Variants in KBTBD11 observed in about 807,000 individuals in gnomAD.
KBTBD11 encodes kelch repeat and BTB domain containing 11.
For missense variants in KBTBD11, 1,390 were observed against 1,001.8 expected (o/e 1.39, Z -5.23); for synonymous variants, 747 against 499.0 (o/e 1.50, Z -6.63).
chr8:1,999,247 A>T (rs1271172242), intron 1 of KBTBD11, among the ~76,000 whole-genome samples: 2 of 152,246 alleles, frequency 1.3e-5, no homozygotes, highest in African/African-American at 4.8e-5. Context: ...TTTCAGGGAC[A>T]GAGGGACAGG....
intron 1 of KBTBD11, chr8:1,974,577 CCCCCGCGAG>C (rs981544516): frequency 1.0e-6 from 1 of 985,022 alleles, no homozygotes; most frequent in Non-Finnish European, 1.2e-6. Context: ...TGGCTGCTGA[CCCCCGCGAG>C]CCCCGAGCAC....
chr8:1,998,121 A>G (rs564385369), intron 1 of KBTBD11, among the ~76,000 whole-genome samples: 1 of 152,206 alleles, frequency 6.6e-6, no homozygotes, highest in Non-Finnish European at 1.5e-5. Flanking sequence ...TGCTGACATA[A>G]TGCTCATTGG....
chr8:1,995,386 G>A (rs1286303264), intron 1 of KBTBD11, among the ~76,000 whole-genome samples: 2 of 152,142 alleles, frequency 1.3e-5, no homozygotes, highest in Non-Finnish European at 2.9e-5. Flanking sequence ...GTACGGCCAA[G>A]TTAAATATGG....
At chr8:1,989,672 C>T (rs1014286819) in intron 1 of KBTBD11, among the ~76,000 whole-genome samples, 1 of 152,238 alleles carries the variant, frequency 6.6e-6, no homozygotes. Context: ...CTGCACGACG[C>T]ATCGCCTCCC....
rs555039341 is a variant in KBTBD11, at chr8:2,003,568, G to A, written c.*504G>A. The A allele has an allele frequency of 6.0e-6, 1 of 167,484 alleles. No homozygotes were observed. Among genetic ancestry groups the A allele is most frequent in the South Asian group, 2.1e-4 (1 of 4,832 alleles). The allele number at this position is 167,484 out of a possible 1,614,324, so 10.4% of individuals were successfully genotyped here. ...TCTTTCTGATTTAGTTGAAAATTTC[G>A]TACCATGTGCTCGCTTTGGTTGGCT... On this transcript the variant is annotated 3_prime_UTR_variant, in exon 2 of 2. Transcript: ENST00000320248.
Position 1,973,858 on chromosome 8 carries a change from C to G in KBTBD11, c.-986C>G. The G allele has an allele frequency of 1.0e-6, 1 of 982,958 alleles. No individual in the cohort carries two copies. The highest frequency in any genetic ancestry group is 6.2e-5 in the Admixed American group (1 of 16,092). 60.9% of individuals were successfully genotyped at this position (982,958 alleles called of 1,614,324 possible). On this transcript the variant is annotated 5_prime_UTR_variant, in exon 1 of 2. Transcript: ENST00000320248. ...CGCGGCTCCCACAGGTGCCGGGAAGCGGCCGCGCGCATGCGCCGGAGCCCA... is the reference window on the plus strand; with the variant it reads ...CGCGGCTCCCACAGGTGCCGGGAAGGGGCCGCGCGCATGCGCCGGAGCCCA...
At chr8:1,993,360 TCCATCCGTCCGTCCGTCC>T (rs1816990206) in intron 1 of KBTBD11, among the ~76,000 whole-genome samples, 1 of 93,876 alleles carries the variant, frequency 1.1e-5, no homozygotes, top group South Asian at 5.1e-4. Context: ...CATCCATCGG[TCCATCCGTCCGTCCGTCC>T]GTCCGTCCGT....
chr8:1,992,475 T>G (rs1202030530), intron 1 of KBTBD11, among the ~76,000 whole-genome samples: 1 of 151,432 alleles, frequency 6.6e-6, no homozygotes, highest in East Asian at 1.9e-4. Context: ...GGGGGTGGGG[T>G]GGGAAACACT....
chr8:1,978,156 C>T (rs968929762), intron 1 of KBTBD11, among the ~76,000 whole-genome samples: 5 of 152,204 alleles, frequency 3.3e-5, no homozygotes, highest in African/African-American at 4.8e-5. Context: ...CTCCCTCCGC[C>T]GCCCTCTACA....
intron 1 of KBTBD11, among the ~76,000 whole-genome samples, chr8:1,997,913 G>C (rs34643150): frequency 0.23 from 35,177 of 152,162 alleles, 4,759 homozygotes; most frequent in Non-Finnish European, 0.3. Flanking sequence ...GCTGGAAGGG[G>C]CTCCTCAGAA....
At chr8:1,982,171 C>A (rs546491346) in intron 1 of KBTBD11, among the ~76,000 whole-genome samples, 1 of 152,162 alleles carries the variant, frequency 6.6e-6, no homozygotes, top group Non-Finnish European at 1.5e-5. Flanking sequence ...TCAGTTAAAT[C>A]GTCAGCTTAA....
chr8:2,001,018 G>A lies in KBTBD11; in HGVS notation c.-175G>A. ...CAAAGGCGAGGCGGGGGAGCAGCGT[G>A]TGAGATTCCCCCCTTCACACACACA... On this transcript the variant is annotated 5_prime_UTR_variant, in exon 2 of 2. The change creates a new upstream start codon in the 5' untranslated region. Coordinates refer to ENST00000320248, the MANE Select transcript of KBTBD11 (RefSeq NM_014867.3). 1.2e-6 allele frequency: 1 copy of A among 868,170 alleles called. No individual in the cohort carries two copies. The highest frequency in any genetic ancestry group is 1.5e-6 in the Non-Finnish European group (1 of 657,132). 53.8% of individuals were successfully genotyped at this position (868,170 alleles called of 1,614,324 possible). A position where few individuals can be genotyped will look rare whatever the true frequency, so the allele number is the denominator to read the frequency against.
chr8:1,988,554 C>T (rs1334390371), intron 1 of KBTBD11, among the ~76,000 whole-genome samples: 1 of 152,142 alleles, frequency 6.6e-6, no homozygotes, highest in African/African-American at 2.4e-5. Context: ...CTGTTCATAT[C>T]CTTTGCCCAC....
chr8:1,992,084 C>T (rs1816940324), intron 1 of KBTBD11, among the ~76,000 whole-genome samples: 1 of 152,054 alleles, frequency 6.6e-6, no homozygotes, highest in Non-Finnish European at 1.5e-5. Context: ...CTGAGCAGCA[C>T]CTGTTGCCAC....
chr8:2,001,721 C>T lies in KBTBD11; in HGVS notation c.529C>T (p.Gln177Ter). 2.1e-6 allele frequency: 3 copies of T among 1,413,058 alleles called. No homozygotes were observed. The highest frequency in any genetic ancestry group is 1.4e-5 in the South Asian group (1 of 69,062). The allele number at this position is 1,413,058 out of a possible 1,614,324, so 87.5% of individuals were successfully genotyped here. Reference protein sequence around the residue: ...ARASRDVLRVQGVSLTALRLL... With the variant: ...ARASRDVLRV The stretch of plus-strand genomic sequence containing the variant: ...CGCGTCGCGGGACGTGCTGCGGGTG[C>T]AGGGAGTGAGCCTGACGGCGCTGCG... Residue 177 changes from glutamine (Q) to a stop codon, truncating the protein, a stop_gained, in exon 2 of 2, where the codon CAG (glutamine) becomes TAG (stop). Coordinates refer to ENST00000320248, the MANE Select transcript of KBTBD11 (RefSeq NM_014867.3). LOFTEE classifies it low-confidence loss of function (END_TRUNC).
chr8:1,991,687 CG>C (rs1281957976), intron 1 of KBTBD11, among the ~76,000 whole-genome samples: 1 of 152,008 alleles, frequency 6.6e-6, no homozygotes, highest in Non-Finnish European at 1.5e-5. Context: ...GCCAGGATCC[CG>C]AGGCCTGCTT....
intron 1 of KBTBD11, chr8:1,974,790 A>G (rs922658803): frequency 2.8e-6 from 2 of 725,068 alleles, no homozygotes; most frequent in African/African-American, 3.8e-5. Flanking sequence ...TTAGAGTCCT[A>G]CAAAACCACG....
Position 2,005,977 on chromosome 8 carries a change from C to A in KBTBD11, c.*2913C>A, listed in dbSNP as rs531729897. 1 of 167,208 alleles carries A rather than the reference C, an allele frequency of 6.0e-6. No individual in the cohort carries two copies. The highest frequency in any genetic ancestry group is 6.5e-5 in the Admixed American group (1 of 15,306). The allele number at this position is 167,208 out of a possible 1,614,324, so 10.4% of individuals were successfully genotyped here. On this transcript the variant is annotated 3_prime_UTR_variant, in exon 2 of 2. Coordinates refer to ENST00000320248, the MANE Select transcript of KBTBD11 (RefSeq NM_014867.3). ...CCGGTTTTATTCTTCCTCTTGGGAA[C>A]ATCCCTCCACTCCGCACTGCTTCCT...
rs763292743 is a variant in KBTBD11, at chr8:2,003,554, T to G, written c.*490T>G. 3 of 167,612 alleles carry G rather than the reference T, an allele frequency of 1.8e-5. No individual in the cohort carries two copies. The highest frequency in any genetic ancestry group is 1.3e-4 in the Admixed American group (2 of 15,300). The allele number at this position is 167,612 out of a possible 1,614,324, so 10.4% of individuals were successfully genotyped here. A position where few individuals can be genotyped will look rare whatever the true frequency, so the allele number is the denominator to read the frequency against. On this transcript the variant is annotated 3_prime_UTR_variant, in exon 2 of 2. Transcript: ENST00000320248. Reference sequence around the variant, plus strand: ...CTGATAAGTAAAGCTCTTTCTGATTTAGTTGAAAATTTCGTACCATGTGCT... The same window carrying G: ...CTGATAAGTAAAGCTCTTTCTGATTGAGTTGAAAATTTCGTACCATGTGCT...
Sources: allele counts gnomAD v4.1 joint callset (sites outside exome capture counted in the v4.1 genomes callset), GRCh38; gene constraint gnomAD v4.1.1; transcripts MANE v1.5; gene names NCBI Gene and HGNC (gene_info 2026-07-23, HGNC 2026-07-21).